The following DPYSL3 variants were observed in gnomAD, a reference collection of about 807,000 sequenced individuals.
DPYSL3 encodes the protein dihydropyrimidinase like 3.
DPYSL3 carries 16 observed loss-of-function variants against 66.1 expected under a neutral mutation model. The observed-to-expected ratio is 0.24, with a 90% confidence interval of 0.16 to 0.37. The LOEUF is 0.37. Among genes scored for constraint, DPYSL3 ranks in the 10% least tolerant of loss-of-function variants. The pLI, the probability that DPYSL3 is intolerant of heterozygous loss-of-function variation, is 1.00. For missense variants in DPYSL3, 738 were observed against 916.2 expected (o/e 0.81, Z 2.51); for synonymous variants, 338 against 345.1 (o/e 0.98, Z 0.23).
chr5:147,446,365 T>C (rs188761542), intron 1 of DPYSL3, among the ~76,000 whole-genome samples: 1 of 152,362 alleles, frequency 6.6e-6, no homozygotes, highest in East Asian at 1.9e-4. Flanking sequence ...ATGGTTCTTT[T>C]GCTCTTCTAG....
At chr5:147,474,723 AT>A (rs748808894) in intron 1 of DPYSL3, among the ~76,000 whole-genome samples, 1 of 152,070 alleles carries the variant, frequency 6.6e-6, no homozygotes, top group Non-Finnish European at 1.5e-5. Context: ...AATAAATAAG[AT>A]TTTTTGTAAT....
At chr5:147,396,352 G>T (rs1025568327) in intron 12 of DPYSL3, among the ~76,000 whole-genome samples, 1 of 152,216 alleles carries the variant, frequency 6.6e-6, no homozygotes, top group African/African-American at 2.4e-5. Context: ...CCTTGTGCCA[G>T]GCACTAGGGC....
At chr5:147,465,941 T>G (rs1280870814) in intron 1 of DPYSL3, among the ~76,000 whole-genome samples, 1 of 152,204 alleles carries the variant, frequency 6.6e-6, no homozygotes, top group Non-Finnish European at 1.5e-5. Flanking sequence ...CCTATTATTC[T>G]TCTCAGATCT....
intron 1 of DPYSL3, among the ~76,000 whole-genome samples, chr5:147,484,554 T>C (rs1262631905): frequency 6.6e-6 from 1 of 152,144 alleles, no homozygotes; most frequent in East Asian, 1.9e-4. Context: ...AAACCAATAG[T>C]GTTGTTGTAT....
intron 1 of DPYSL3, chr5:147,453,540 C>T: frequency 5.2e-6 from 8 of 1,531,692 alleles, no homozygotes; most frequent in African/African-American, 1.4e-5. Context: ...CAGCGGCGCC[C>T]GGACTCACCG....
intron 3 of DPYSL3, 107 bp downstream of exon 3, chr5:147,418,340 C>T: frequency 8.3e-7 from 1 of 1,203,970 alleles, no homozygotes; most frequent in East Asian, 2.5e-5. Flanking sequence ...CATCTATAAA[C>T]TGAACTGGGA....
intron 11 of DPYSL3, 27 bp from the exon 12 acceptor site, chr5:147,397,872 C>T: frequency 6.7e-7 from 1 of 1,495,826 alleles, no homozygotes; most frequent in Non-Finnish European, 9.0e-7. Context: ...GAAGCAAAGC[C>T]ACAGTAAGGG....
chr5:147,498,704 T>C (rs888641027), intron 1 of DPYSL3, among the ~76,000 whole-genome samples: 3 of 152,244 alleles, frequency 2.0e-5, no homozygotes, highest in Non-Finnish European at 2.9e-5. Context: ...GTTGAGCTTT[T>C]TTTCATATGA....
rs1751879686 is a variant in DPYSL3 at position 147,412,692 on chromosome 5, A to C, written c.883-4T>G. ...GGCAGGTGAAGATCTCATAGAGCTG[A>C]AATAGAAATGAGTCTTTGTCACTCT... is the stretch of plus-strand genomic sequence containing the variant. On this transcript the variant is annotated splice_polypyrimidine_tract_variant and splice_region_variant and intron_variant, in intron 5 of 13. Transcript: ENST00000343218. 13 of 1,608,984 alleles carry C rather than the reference A, an allele frequency of 8.1e-6. No homozygotes were observed. The highest frequency in any genetic ancestry group is 1.1e-5 in the Non-Finnish European group (13 of 1,177,300).
intron 1 of DPYSL3, among the ~76,000 whole-genome samples, chr5:147,466,249 C>A (rs1001782215): frequency 6.6e-6 from 1 of 152,084 alleles, no homozygotes; most frequent in East Asian, 1.9e-4. Context: ...ATGCCCCTGC[C>A]TGGTTTATGG....
chr5:147,425,822 A>C (rs1752184777), intron 1 of DPYSL3, among the ~76,000 whole-genome samples: 1 of 152,184 alleles, frequency 6.6e-6, no homozygotes, highest in South Asian at 2.1e-4. Flanking sequence ...GACAGATCAC[A>C]AGTTTCATTA....
intron 1 of DPYSL3, among the ~76,000 whole-genome samples, chr5:147,465,546 C>T (rs776448257): frequency 9.9e-5 from 15 of 152,116 alleles, no homozygotes; most frequent in Non-Finnish European, 1.5e-4. Context: ...GTGATCCACC[C>T]GCCTTGGCCT....
intron 1 of DPYSL3, among the ~76,000 whole-genome samples, chr5:147,453,390 G>T (rs1198969246): frequency 1.3e-5 from 2 of 152,236 alleles, no homozygotes; most frequent in South Asian, 2.1e-4. Flanking sequence ...GTGTGGCGCC[G>T]GCTGGACTGA....
intron 1 of DPYSL3, among the ~76,000 whole-genome samples, chr5:147,506,599 A>G (rs951374749): frequency 2.6e-5 from 4 of 152,212 alleles, no homozygotes; most frequent in African/African-American, 7.2e-5. Flanking sequence ...AAGACTGAAG[A>G]AGCTAGGAAT....
chr5:147,466,242 C>A (rs1197813585), intron 1 of DPYSL3, among the ~76,000 whole-genome samples: 3 of 152,102 alleles, frequency 2.0e-5, no homozygotes, highest in Non-Finnish European at 4.4e-5. Context: ...TTTATTTATG[C>A]CCCTGCCTGG....
chr5:147,395,346 C>T (rs1460045384), intron 13 of DPYSL3, among the ~76,000 whole-genome samples: 3 of 152,140 alleles, frequency 2.0e-5, no homozygotes, highest in African/African-American at 4.8e-5. Flanking sequence ...ACCTGGTCTT[C>T]GGCCTGACTG....
In DPYSL3 at chr5:147,392,421, T is replaced by C. The variant is rs1226535469; in HGVS notation, c.*1614A>G. The C allele has an allele frequency of 6.6e-6, 1 of 152,198 alleles. No homozygotes were observed. Among genetic ancestry groups the C allele is most frequent in the Non-Finnish European group, 1.5e-5 (1 of 68,048 alleles). The allele number at this position is 152,198 out of a possible 1,614,324, so 9.4% of individuals were successfully genotyped here. ...TCAAACCTGCAGTCAGAGACAATGG[T>C]TTCTCCTAAGCAATTAAAAGGTGTC... On this transcript the variant is annotated 3_prime_UTR_variant, in exon 14 of 14. Coordinates refer to ENST00000343218, the MANE Select transcript of DPYSL3 (RefSeq NM_001197294.2).
At chr5:147,411,311 G>A (rs1581178872) in intron 6 of DPYSL3, among the ~76,000 whole-genome samples, 1 of 152,146 alleles carries the variant, frequency 6.6e-6, no homozygotes, top group East Asian at 1.9e-4. Context: ...TCCCCCACCA[G>A]CAAGACAACA....
At chr5:147,450,607 C>A (rs1752709770) in intron 1 of DPYSL3, among the ~76,000 whole-genome samples, 1 of 152,132 alleles carries the variant, frequency 6.6e-6, no homozygotes, top group African/African-American at 2.4e-5. Flanking sequence ...ACAGAAATCT[C>A]CCCCTCATTT....
Sources: allele counts gnomAD v4.1 joint callset (sites outside exome capture counted in the v4.1 genomes callset), GRCh38; gene constraint gnomAD v4.1.1; transcripts MANE v1.5; gene names NCBI Gene and HGNC (gene_info 2026-07-23, HGNC 2026-07-21).